FGFR3: variants seen among roughly 807,000 people sequenced by gnomAD.
The protein encoded by FGFR3 is FGFR-3.
FGFR3 carries 25 observed loss-of-function variants against 82.9 expected under a neutral mutation model. The ratio of observed to expected loss-of-function variants is 0.30; its 90% CI spans 0.22 to 0.42. The LOEUF (loss-of-function observed/expected upper bound fraction) is 0.42, where lower values mean the gene tolerates loss of function less well. Ranked by LOEUF, FGFR3 falls within the 10% of genes least tolerant of loss-of-function variation. The probability of loss-of-function intolerance (pLI) is 1.00; values close to 1 mark genes in which losing one functional copy is unlikely to be tolerated. For missense variants in FGFR3, 1,026 were observed against 1,161.0 expected (o/e 0.88, Z 1.69); for synonymous variants, 620 against 516.0 (o/e 1.20, Z -2.73).
chr4:1,806,017 G>A (rs762282227), intron 13 of FGFR3, 34 bp from the exon 14 acceptor site: 1 of 1,612,702 alleles, frequency 6.2e-7, no homozygotes, highest in East Asian at 2.2e-5. Flanking sequence ...GAGAGGTGGA[G>A]AGGCTTCAGC....
At chr4:1,800,370 G>A (rs1383804596) in intron 4 of FGFR3, among the ~76,000 whole-genome samples, 1 of 152,080 alleles carries the variant, frequency 6.6e-6, no homozygotes, top group Non-Finnish European at 1.5e-5. Context: ...GGGGAGGTGG[G>A]GCTTCTGGTT....
At chr4:1,796,636 C>A (rs1365091838) in intron 2 of FGFR3, among the ~76,000 whole-genome samples, 1 of 152,174 alleles carries the variant, frequency 6.6e-6, no homozygotes, top group Admixed American at 6.5e-5. Flanking sequence ...AAGGCTCCCC[C>A]ATCCTCTCAG....
intron 2 of FGFR3, among the ~76,000 whole-genome samples, chr4:1,795,735 C>A (rs967164184): frequency 3.3e-5 from 5 of 152,144 alleles, no homozygotes; most frequent in African/African-American, 9.7e-5. Flanking sequence ...CCTGGAGTGA[C>A]CCCCCAGGGT....
chr4:1,804,287 G>GA lies in FGFR3; in HGVS notation c.1076-43_1076-42insA, dbSNP rs748594583. On this transcript the variant is annotated intron_variant, in intron 8 of 17. Transcript: ENST00000440486. Reference sequence around the variant, plus strand: ...CAGGGGCATCCATGGGAGCCCCGTGGGGGGGGGGGCCAGGCCAGGCCTCAA... The same window carrying GA: ...CAGGGGCATCCATGGGAGCCCCGTGGAGGGGGGGGGCCAGGCCAGGCCTCAA... The GA allele has an allele frequency of 3.4e-5, 48 of 1,430,744 alleles. No individual in the cohort carries two copies. The African/African-American group carries it at 6.2e-4, about 19-fold the overall frequency. The allele number at this position is 1,430,744 out of a possible 1,614,324, so 88.6% of individuals were successfully genotyped here.
In FGFR3 at chr4:1,799,288, G is replaced by A; in HGVS notation, c.144G>A (p.Gln48=). ...GCCCAGAGCCCGGCCAGCAGGAGCA[G>A]TTGGTCTTCGGCAGCGGGGATGCTG... is the stretch of plus-strand genomic sequence containing the variant. ...VPGPEPGQQE[Q]LVFGSGDAVE... is the part of the protein sequence containing the mutation. Residue 48 remains glutamine (Q), a synonymous_variant, in exon 3 of 18, where the codon CAG becomes CAA. Coordinates refer to ENST00000440486, the MANE Select transcript of FGFR3 (RefSeq NM_000142.5). 1 of 1,612,738 alleles carries A rather than the reference G, an allele frequency of 6.2e-7. No individual in the cohort carries two copies. The highest frequency in any genetic ancestry group is 8.5e-7 in the Non-Finnish European group (1 of 1,179,978).
rs1005779417 is a variant in FGFR3, at chr4:1,793,797, C to T, written c.-102-36C>T. On this transcript the variant is annotated intron_variant, in intron 1 of 17. Coordinates refer to ENST00000440486, the MANE Select transcript of FGFR3 (RefSeq NM_000142.5). ...CGGCCACCGCCGCTTTCGTCCCTGT[C>T]CGCCCCTCTAACGAGCTGCCTTCCT... 8.0e-4 allele frequency: 135 copies of T among 167,856 alleles called. 1 individual carries two copies. The highest frequency in any genetic ancestry group is 1.0e-3 in the Non-Finnish European group (84 of 80,406). The allele number at this position is 167,856 out of a possible 1,614,324, so 10.4% of individuals were successfully genotyped here.
At chr4:1,797,230 G>A (rs1720619824) in intron 2 of FGFR3, among the ~76,000 whole-genome samples, 1 of 152,134 alleles carries the variant, frequency 6.6e-6, no homozygotes, top group Admixed American at 6.5e-5. Flanking sequence ...GCTGGGTGGG[G>A]TATGGGGGCT....
At chr4:1,805,976 G>GGCCCT (rs1290959971) in intron 13 of FGFR3, 36 bp downstream of exon 13, 16 of 1,609,794 alleles carry the variant, frequency 9.9e-6, no homozygotes, top group Non-Finnish European at 1.4e-5. Flanking sequence ...GAGTAGGCTG[G>GGCCCT]GCCCTGCCCT....
chr4:1,793,958 C>G lies in FGFR3; in HGVS notation c.24C>G (p.Leu8=). 1 of 1,361,578 alleles carries G rather than the reference C, an allele frequency of 7.3e-7. No homozygotes were observed. The highest frequency in any genetic ancestry group is 9.6e-7 in the Non-Finnish European group (1 of 1,044,236). 84.3% of individuals were successfully genotyped at this position (1,361,578 alleles called of 1,614,324 possible). Residue 8 remains leucine, a synonymous_variant, in exon 2 of 18, where the codon CTC becomes CTG. Coordinates refer to ENST00000440486, the MANE Select transcript of FGFR3 (RefSeq NM_000142.5). ...CCATGGGCGCCCCTGCCTGCGCCCTCGCGCTCTGCGTGGCCGTGGCCATCG... is the reference window on the plus strand; with the variant it reads ...CCATGGGCGCCCCTGCCTGCGCCCTGGCGCTCTGCGTGGCCGTGGCCATCG... MGAPACA[L]ALCVAVAIVA...
chr4:1,801,655 C>T lies in FGFR3; in HGVS notation c.651C>T (p.Ser217=), dbSNP rs762931501. Residue 217 remains serine, a synonymous_variant, in exon 6 of 18, where the codon AGC becomes AGT. Transcript: ENST00000440486. ...RHQQWSLVME[S]VVPSDRGNYT... Reference sequence around the variant, plus strand: ...AGCAGTGGAGCCTGGTCATGGAAAGCGTGGTGCCCTCGGACCGCGGCAACT... The same window carrying T: ...AGCAGTGGAGCCTGGTCATGGAAAGTGTGGTGCCCTCGGACCGCGGCAACT... The T allele has an allele frequency of 1.4e-5, 23 of 1,611,242 alleles. No individual in the cohort carries two copies. Among genetic ancestry groups the T allele is most frequent in the South Asian group, 3.3e-5 (3 of 90,830 alleles).
At position 1,806,814 on chromosome 4, in the gene FGFR3, G is replaced by A. The variant is rs767871880; in HGVS notation, c.2169-15G>A. ...GGGAAGCGGCGGGGCTCACTCCTGAGCGCCCTGCCCGCAGGTACATGATCA... is the reference window on the plus strand; with the variant it reads ...GGGAAGCGGCGGGGCTCACTCCTGAACGCCCTGCCCGCAGGTACATGATCA... On this transcript the variant is annotated splice_polypyrimidine_tract_variant and intron_variant, in intron 16 of 17. Coordinates refer to ENST00000440486, the MANE Select transcript of FGFR3 (RefSeq NM_000142.5). 1 of 1,592,256 alleles carries A rather than the reference G, an allele frequency of 6.3e-7. No homozygotes were observed. The highest frequency in any genetic ancestry group is 8.5e-7 in the Non-Finnish European group (1 of 1,170,198).
At chr4:1,803,219 C>T in intron 7 of FGFR3, 1 of 908,438 alleles carries the variant, frequency 1.1e-6, no homozygotes, top group East Asian at 3.6e-5. Context: ...GCTCCAGCCT[C>T]CACGGTGACC....
chr4:1,802,768 G>A, intron 7 of FGFR3: 1 of 1,024,838 alleles, frequency 9.8e-7, no homozygotes, highest in Non-Finnish European at 1.3e-6. Context: ...CAGCCACCGT[G>A]AAGTGCCTCC....
rs773165010 is a variant in FGFR3 at position 1,803,082 on chromosome 4, TGCCGGCC to T, written c.931-608_931-602del. On this transcript the variant is annotated intron_variant, in intron 7 of 17. Coordinates refer to ENST00000440486, the MANE Select transcript of FGFR3 (RefSeq NM_000142.5). ...CCGAGCAGGTAACGACTCTGTCCCA[TGCCGGCC>T]GGCACAAGAGCTCCAGCTCCAAGGC... 4 of 1,551,314 alleles carry T rather than the reference TGCCGGCC, an allele frequency of 2.6e-6. No homozygotes were observed. The Admixed American group carries it at 7.8e-5, about 30-fold the overall frequency.
intron 10 of FGFR3, 34 bp from the exon 11 acceptor site, chr4:1,805,321 T>G: frequency 6.2e-7 from 1 of 1,608,178 alleles, no homozygotes. Flanking sequence ...TGGGCGAGTT[T>G]GCACACTCAT....
chr4:1,801,177 C>T (rs376138532), intron 4 of FGFR3, among the ~76,000 whole-genome samples, 190 bp from the exon 5 acceptor site: 87 of 152,300 alleles, frequency 5.7e-4, no homozygotes, highest in African/African-American at 2.0e-3. Flanking sequence ...GGACACACGG[C>T]CCAGCTCTGA....
Position 1,808,620 on chromosome 4 carries a change from GT to G in FGFR3, c.*1362del, listed in dbSNP as rs1298982496. Reference sequence around the variant, plus strand: ...ACACTTCTTACGCAATGCTTCTAGAGTTTTATAGCCTGGACTGCTACCTTTC... The same window carrying G: ...ACACTTCTTACGCAATGCTTCTAGAGTTTATAGCCTGGACTGCTACCTTTC... On this transcript the variant is annotated 3_prime_UTR_variant, in exon 18 of 18. Coordinates refer to ENST00000440486, the MANE Select transcript of FGFR3 (RefSeq NM_000142.5). The G allele has an allele frequency of 8.6e-6, 2 of 231,512 alleles. No individual in the cohort carries two copies. The highest frequency in any genetic ancestry group is 1.7e-5 in the Non-Finnish European group (2 of 116,786). The allele number at this position is 231,512 out of a possible 1,614,324, so 14.3% of individuals were successfully genotyped here.
In FGFR3 at chr4:1,805,666, G is replaced by A. The variant is rs972200588; in HGVS notation, c.1642G>A (p.Gly548Ser). ...IINLLGACTQ[G>S]GPLYVLVEYA... ...CAACCTGCTGGGCGCCTGCACGCAG[G>A]GCGGTAGGTGCGGTAGCGGCGGTGG... The change falls in exon 12 of 18, where the codon GGC becomes AGC. Residue 548 changes from glycine (G) to serine (S), a missense_variant. By Grantham distance (56) the Gly-to-Ser change is moderately conservative. Coordinates refer to ENST00000440486, the MANE Select transcript of FGFR3 (RefSeq NM_000142.5). The A allele has an allele frequency of 5.0e-6, 8 of 1,612,872 alleles. No individual in the cohort carries two copies. Among genetic ancestry groups the A allele is most frequent in the South Asian group, 1.1e-5 (1 of 91,062 alleles).
rs1721870130 is a variant in FGFR3, at chr4:1,806,036, C to T, written c.1837-15C>T. 6 of 1,613,052 alleles carry T rather than the reference C, an allele frequency of 3.7e-6. No homozygotes were observed. The highest frequency in any genetic ancestry group is 3.3e-5 in the South Asian group (3 of 91,094). ...GGTGGAGAGGCTTCAGCCCTGCCTC[C>T]CACCCCTTCCCCAGTGCATCCACAG... On this transcript the variant is annotated splice_polypyrimidine_tract_variant and intron_variant, in intron 13 of 17. Transcript: ENST00000440486.
Sources: allele counts gnomAD v4.1 joint callset (sites outside exome capture counted in the v4.1 genomes callset), GRCh38; gene constraint gnomAD v4.1.1; transcripts MANE v1.5; gene names NCBI Gene and HGNC (gene_info 2026-07-23, HGNC 2026-07-21).